The following EDIL3 variants were observed in gnomAD, a reference collection of about 807,000 sequenced individuals.
The protein encoded by EDIL3 is EGF like and discoidin domains 3, also known as EGF-like repeat and discoidin I-like domain-containing protein 3.
In EDIL3, 37 loss-of-function variants were observed where a neutral mutation model predicts 67.4. The observed-to-expected ratio is 0.55, with a 90% CI of 0.42 to 0.72. The LOEUF (loss-of-function observed/expected upper bound fraction) is 0.72, where lower values mean the gene tolerates loss of function less well. Among genes scored for constraint, EDIL3 ranks in the 30% least tolerant of loss-of-function variants. The probability of loss-of-function intolerance (pLI) is 0.00; values close to 1 mark genes in which losing one functional copy is unlikely to be tolerated. For synonymous variants in EDIL3, 195 were observed against 196.3 expected (o/e 0.99, Z 0.05); for missense variants, 527 against 586.3 (o/e 0.90, Z 1.04).
chr5:84,328,062 G>A (rs4301211), intron 1 of EDIL3, among the ~76,000 whole-genome samples: 61,939 of 151,760 alleles, frequency 0.41, 12,913 homozygotes, highest in South Asian at 0.49. Flanking sequence ...GCTTATTAAT[G>A]GTCTTTAGAA....
chr5:84,072,655 CAA>C lies in EDIL3; in HGVS notation c.652-6051_652-6050del, dbSNP rs552997747. On this transcript the variant is annotated intron_variant, in intron 6 of 10. Coordinates refer to ENST00000296591, the MANE Select transcript of EDIL3 (RefSeq NM_005711.5). ...ACAAGTATGAGTAAACTGATGTTGG[CAA>C]AAAGTTATTCCCTACAGCACTGTAT... 1.9e-3 allele frequency among the ~76,000 whole-genome samples: 283 copies of C among 152,140 alleles called. 1 individual carries two copies. Among genetic ancestry groups the C allele is most frequent in the Admixed American group, 7.9e-3 (120 of 15,278 alleles).
chr5:84,272,448 T>A (rs1407982763), intron 1 of EDIL3, among the ~76,000 whole-genome samples: 1 of 152,162 alleles, frequency 6.6e-6, no homozygotes, highest in Non-Finnish European at 1.5e-5. Context: ...CAAAGATTTG[T>A]TGATATTAAT....
intron 9 of EDIL3, among the ~76,000 whole-genome samples, chr5:83,983,302 A>C (rs1745002978): frequency 6.6e-6 from 1 of 152,142 alleles, no homozygotes; most frequent in Admixed American, 6.6e-5. Flanking sequence ...CATTTTTAAA[A>C]CTTACTGCAA....
chr5:83,995,364 T>A (rs948425349), intron 9 of EDIL3, among the ~76,000 whole-genome samples: 5 of 152,142 alleles, frequency 3.3e-5, no homozygotes, highest in Admixed American at 3.3e-4. Flanking sequence ...AAGGCATTTA[T>A]TCCACGAGGG....
intron 10 of EDIL3, 145 bp downstream of exon 10, chr5:83,963,060 T>A: frequency 8.9e-7 from 1 of 1,125,564 alleles, no homozygotes; most frequent in African/African-American, 1.6e-5. Flanking sequence ...ACAGTACTAT[T>A]CTTTAAAGCT....
At chr5:84,287,956 GC>G (rs1745842410) in intron 1 of EDIL3, among the ~76,000 whole-genome samples, 1 of 151,832 alleles carries the variant, frequency 6.6e-6, no homozygotes, top group African/African-American at 2.4e-5. Context: ...AGTCTTCTTG[GC>G]TTTAAATACC....
intron 1 of EDIL3, among the ~76,000 whole-genome samples, chr5:84,277,051 C>T (rs558662793): frequency 3.9e-5 from 6 of 152,272 alleles, no homozygotes; most frequent in Non-Finnish European, 2.9e-5. Flanking sequence ...CACCAGTAGT[C>T]TATAAAATGC....
Position 84,060,407 on chromosome 5 carries a change from G to A in EDIL3, c.1030C>T (p.Leu344Phe), listed in dbSNP as rs200488576. 253 of 1,613,754 alleles carry A rather than the reference G, an allele frequency of 1.6e-4. 1 individual carries two copies. Among genetic ancestry groups the A allele is most frequent in the Non-Finnish European group, 9.7e-5 (115 of 1,179,840 alleles). The stretch of plus-strand genomic sequence containing the variant: ...TCCCAAGTGAACATGTCCATGTTGA[G>A]CGTTCTGAAGATGCTGGAGGCAGTG... The part of the protein sequence containing the change: ...QITASSIFRT[L>F]NMDMFTWEPR... The change falls in exon 9 of 11, where the codon CTC (leucine) becomes TTC (phenylalanine). Residue 344 changes from leucine (L) to phenylalanine (F), a missense_variant. Leu to Phe is a conservative substitution (Grantham distance 22, BLOSUM62 0). Coordinates refer to ENST00000296591, the MANE Select transcript of EDIL3 (RefSeq NM_005711.5).
chr5:83,985,734 A>AT (rs1375654142), intron 9 of EDIL3, among the ~76,000 whole-genome samples: 1 of 151,940 alleles, frequency 6.6e-6, no homozygotes, highest in East Asian at 1.9e-4. Flanking sequence ...AGGTAAAATT[A>AT]TTTTTAATAG....
intron 1 of EDIL3, among the ~76,000 whole-genome samples, chr5:84,311,956 C>T (rs1243588418): frequency 1.3e-5 from 2 of 152,204 alleles, no homozygotes; most frequent in African/African-American, 4.8e-5. Flanking sequence ...CCCGTGTCTA[C>T]CTCTTTCTAC....
At chr5:84,028,837 C>A in intron 9 of EDIL3, among the ~76,000 whole-genome samples, 1 of 152,044 alleles carries the variant, frequency 6.6e-6, no homozygotes, top group East Asian at 1.9e-4. Flanking sequence ...TATGGTTTGG[C>A]TGTGTCCCCA....
chr5:84,201,368 T>C (rs1261997261), intron 3 of EDIL3, among the ~76,000 whole-genome samples: 1 of 152,058 alleles, frequency 6.6e-6, no homozygotes, highest in African/African-American at 2.4e-5. Context: ...TTACAATCTA[T>C]GGATTTATAA....
chr5:84,279,485 C>T (rs991564270), intron 1 of EDIL3, among the ~76,000 whole-genome samples: 5 of 152,280 alleles, frequency 3.3e-5, no homozygotes, highest in Admixed American at 2.0e-4. Context: ...ATTTGCTAAA[C>T]CCAAAATAGC....
chr5:84,368,128 C>CA (rs1486233101), intron 1 of EDIL3, among the ~76,000 whole-genome samples: 1 of 151,864 alleles, frequency 6.6e-6, no homozygotes, highest in Non-Finnish European at 1.5e-5. Context: ...TGCTTTTTTA[C>CA]AAAAAAATTT....
chr5:84,051,151 T>G (rs1245408515), intron 9 of EDIL3, among the ~76,000 whole-genome samples: 1 of 152,138 alleles, frequency 6.6e-6, no homozygotes, highest in Non-Finnish European at 1.5e-5. Context: ...CATTTGCTGT[T>G]CACCAATATC....
chr5:84,223,357 T>G (rs571999219), intron 3 of EDIL3, among the ~76,000 whole-genome samples: 19 of 151,874 alleles, frequency 1.3e-4, no homozygotes, highest in African/African-American at 4.6e-4. Context: ...GCAGCATTAT[T>G]TACAGGAACC....
chr5:84,210,649 C>G (rs949662942), intron 3 of EDIL3, among the ~76,000 whole-genome samples: 1 of 151,962 alleles, frequency 6.6e-6, no homozygotes, highest in Non-Finnish European at 1.5e-5. Flanking sequence ...TTACCCATAA[C>G]TCACTTCTTA....
chr5:84,182,271 ACACAC>A (rs1199454274), intron 3 of EDIL3, among the ~76,000 whole-genome samples: 1 of 15,296 alleles, frequency 6.5e-5, no homozygotes, highest in African/African-American at 1.2e-4. Context: ...TACAAAAAAT[ACACAC>A]ACACACACAC....
intron 10 of EDIL3, among the ~76,000 whole-genome samples, chr5:83,950,310 C>T (rs955814380): frequency 6.6e-6 from 1 of 151,716 alleles, no homozygotes; most frequent in Non-Finnish European, 1.5e-5. Flanking sequence ...TGTGAATGTG[C>T]AATTGATGTC....
Sources: gnomAD v4.1 joint callset for allele counts (sites outside exome capture counted in the v4.1 genomes callset) on GRCh38, gnomAD v4.1.1 for gene constraint, MANE v1.5 for transcripts, NCBI Gene and HGNC (gene_info 2026-07-23, HGNC 2026-07-21) for gene names.